Variants in C2CD3 observed in about 807,000 individuals in gnomAD.
The protein encoded by C2CD3 is C2 domain containing 3 centriole elongation regulator.
Under a neutral mutation model 234.0 loss-of-function variants are expected in C2CD3, and 148 were observed. The ratio of observed to expected loss-of-function variants is 0.63; its 90% CI spans 0.55 to 0.72. C2CD3 has a LOEUF of 0.72. C2CD3 is among the 30% of genes least tolerant of loss of function. The pLI is 0.00. For synonymous variants in C2CD3, 1,000 were observed against 1,035.4 expected (o/e 0.97, Z 0.66); for missense variants, 2,577 against 2,811.5 (o/e 0.92, Z 1.89).
chr11:74,128,013 C>T (rs939017008), intron 7 of C2CD3, among the ~76,000 whole-genome samples: 4 of 152,254 alleles, frequency 2.6e-5, no homozygotes, highest in East Asian at 3.9e-4. Context: ...CAGGCGCCTG[C>T]TACCACACCT....
At chr11:74,062,257 C>T (rs1016281427) in intron 24 of C2CD3, among the ~76,000 whole-genome samples, 3 of 152,160 alleles carry the variant, frequency 2.0e-5, no homozygotes, top group Non-Finnish European at 4.4e-5. Context: ...TTGAACTCAG[C>T]TCTGCACCAA....
At chr11:74,079,023 A>T (rs1171224066) in intron 22 of C2CD3, among the ~76,000 whole-genome samples, 2 of 152,220 alleles carry the variant, frequency 1.3e-5, no homozygotes, top group African/African-American at 4.8e-5. Flanking sequence ...GGGAAAACTG[A>T]TGCTAGTGCT....
intron 29 of C2CD3, among the ~76,000 whole-genome samples, chr11:74,038,992 T>C (rs571611312): frequency 1.3e-5 from 2 of 152,316 alleles, no homozygotes; most frequent in Admixed American, 1.3e-4. Context: ...AGTCTGCGTA[T>C]CTTAGAGGAA....
intron 24 of C2CD3, among the ~76,000 whole-genome samples, chr11:74,062,356 T>C (rs965699497): frequency 6.6e-6 from 1 of 152,170 alleles, no homozygotes; most frequent in Admixed American, 6.5e-5. Context: ...TATTCTAAAA[T>C]TGACCACATA....
intron 12 of C2CD3, 137 bp downstream of exon 12, chr11:74,108,888 GATAATAATA>G (rs574277591): frequency 1.1e-5 from 4 of 352,858 alleles, no homozygotes; most frequent in Admixed American, 4.7e-5. Flanking sequence ...TAATAATAAT[GATAATAATA>G]ATAATAATAA....
At chr11:74,040,939 C>G (rs997435516) in intron 29 of C2CD3, among the ~76,000 whole-genome samples, 1 of 150,410 alleles carries the variant, frequency 6.6e-6, no homozygotes, top group Non-Finnish European at 1.5e-5. Context: ...CACACACACA[C>G]CCCTTTTAAA....
At position 74,078,133 on chromosome 11, in the gene C2CD3, T is replaced by C; in HGVS notation, c.4585A>G (p.Arg1529Gly). Residue 1529 changes from arginine to glycine, a missense_variant, in exon 23 of 33, where the codon AGG becomes GGG. By Grantham distance (125) the Arg-to-Gly change is moderately radical (BLOSUM62 -2). Transcript: ENST00000334126. ...DLARLGERSA[R>G]TLTVSGVYPL... is the part of the protein sequence containing the mutation. Reference sequence around the variant, plus strand: ...CACTTACCACTGACAGTTAGCGTCCTCGCTGACCTCTCCCCAAGTCTGGCC... The same window carrying C: ...CACTTACCACTGACAGTTAGCGTCCCCGCTGACCTCTCCCCAAGTCTGGCC... The C allele has an allele frequency of 6.2e-7, 1 of 1,613,712 alleles. No individual in the cohort carries two copies. The highest frequency in any genetic ancestry group is 8.5e-7 in the Non-Finnish European group (1 of 1,179,846).
chr11:74,113,937 C>T (rs375201114), intron 10 of C2CD3, 45 bp from the exon 11 acceptor site: 29 of 1,167,888 alleles, frequency 2.5e-5, no homozygotes, highest in Non-Finnish European at 2.8e-5. Flanking sequence ...AAACAATAAA[C>T]CTAATTTCCG....
Position 74,160,475 on chromosome 11 carries a change from T to C in C2CD3, c.483+924A>G, listed in dbSNP as rs1046376042. Among the ~76,000 whole-genome samples the C allele has an allele frequency of 1.4e-4, 22 of 152,028 alleles. 1 individual carries two copies. Among genetic ancestry groups the C allele is most frequent in the Non-Finnish European group, 4.4e-5 (3 of 68,002 alleles). The stretch of plus-strand genomic sequence containing the variant: ...CTGGAGGACATTATGTTAAATGAAA[T>C]AAGCCAGGCACAGAAGGACAAATAT... On this transcript the variant is annotated intron_variant, in intron 3 of 32. Coordinates refer to ENST00000334126, the MANE Select transcript of C2CD3 (RefSeq NM_001286577.2).
chr11:74,163,141 T>C (rs1021301669), intron 2 of C2CD3, among the ~76,000 whole-genome samples: 5 of 152,172 alleles, frequency 3.3e-5, no homozygotes, highest in Non-Finnish European at 7.4e-5. Flanking sequence ...GTTAATACTG[T>C]AGTGAAAAGC....
chr11:74,103,585 C>G lies in C2CD3; in HGVS notation c.2126G>C (p.Gly709Ala). The change falls in exon 14 of 33, where the codon GGT becomes GCT. Residue 709 changes from glycine to alanine, a missense_variant. Transcript: ENST00000334126. ...GTTGCCACTTAACTTAGTATTGATA[C>G]CAGTGAAATCTTTGTTATCTGTAAT... Reference protein sequence around the residue: ...ELITDNKDFTGINTKLSGNTH... With the variant: ...ELITDNKDFTAINTKLSGNTH... 1.2e-6 allele frequency: 2 copies of G among 1,612,684 alleles called. No individual in the cohort carries two copies. The highest frequency in any genetic ancestry group is 1.7e-6 in the Non-Finnish European group (2 of 1,179,526).
chr11:74,067,419 T>C lies in C2CD3; in HGVS notation c.4951+6834A>G, dbSNP rs537981636. Among the ~76,000 whole-genome samples, 3 of 152,190 alleles carry C rather than the reference T, an allele frequency of 2.0e-5. No individual in the cohort carries two copies. The South Asian group carries it at 6.2e-4, about 32-fold the overall frequency. On this transcript the variant is annotated intron_variant, in intron 24 of 32. Transcript: ENST00000334126. The stretch of plus-strand genomic sequence containing the variant: ...AGCATTAAAGATATAGAGAACTATA[T>C]GAGGAGCAAAACAACAAAACAAAAT...
chr11:74,083,770 G>A (rs938725818), intron 22 of C2CD3, among the ~76,000 whole-genome samples: 1 of 152,104 alleles, frequency 6.6e-6, no homozygotes, highest in African/African-American at 2.4e-5. Context: ...TTAGAATGGA[G>A]ATCATTAAAA....
intron 24 of C2CD3, among the ~76,000 whole-genome samples, chr11:74,059,036 T>G (rs942473464): frequency 4.6e-5 from 7 of 152,102 alleles, no homozygotes; most frequent in African/African-American, 1.7e-4. Flanking sequence ...ACGAGATCAC[T>G]TTCAGCTCTA....
chr11:74,032,817 G>A (rs60636561), intron 31 of C2CD3, among the ~76,000 whole-genome samples: 15,498 of 151,522 alleles, frequency 0.1, 2,068 homozygotes, highest in African/African-American at 0.32. Flanking sequence ...GTGAGGTATG[G>A]TAATAACCTT....
chr11:74,090,547 G>GGCCA (rs1272979123), intron 20 of C2CD3, among the ~76,000 whole-genome samples: 9 of 152,206 alleles, frequency 5.9e-5, no homozygotes, highest in Admixed American at 1.3e-4. Flanking sequence ...GTTTGATGGT[G>GGCCA]TAGGGTATGG....
chr11:74,054,751 G>A, intron 25 of C2CD3, 80 bp from the exon 26 acceptor site: 2 of 951,468 alleles, frequency 2.1e-6, no homozygotes, highest in South Asian at 3.1e-5. Context: ...AGAATATCTT[G>A]TAATTTGCAA....
chr11:74,167,153 CGGA>C (rs1856863720), intron 2 of C2CD3, among the ~76,000 whole-genome samples: 2 of 152,174 alleles, frequency 1.3e-5, no homozygotes, highest in Non-Finnish European at 2.9e-5. Context: ...TGTAAATGTT[CGGA>C]TGCCAAGTCC....
intron 22 of C2CD3, among the ~76,000 whole-genome samples, chr11:74,079,506 A>G (rs749098030): frequency 2.0e-5 from 3 of 150,984 alleles, no homozygotes; most frequent in Non-Finnish European, 4.4e-5. Context: ...AGATTACAGG[A>G]GTGAGCCACT....
Sources: allele counts gnomAD v4.1 joint callset (sites outside exome capture counted in the v4.1 genomes callset), GRCh38; gene constraint gnomAD v4.1.1; transcripts MANE v1.5; gene names NCBI Gene and HGNC (gene_info 2026-07-23, HGNC 2026-07-21).